The following FTCD variants were observed in gnomAD, a reference collection of about 807,000 sequenced individuals.
FTCD encodes formimidoyltransferase cyclodeaminase.
FTCD carries 76 observed loss-of-function variants against 62.9 expected under a neutral mutation model. The observed-to-expected ratio is 1.21, with a 90% CI of 1.00 to 1.46. The LOEUF (loss-of-function observed/expected upper bound fraction) is 1.46. Ranked by LOEUF, FTCD falls within the 40% of genes most tolerant of loss-of-function variation. FTCD has a pLI of 0.00. For synonymous variants in FTCD, 397 were observed against 336.9 expected (o/e 1.18, Z -1.95); for missense variants, 845 against 751.3 (o/e 1.12, Z -1.46).
At chr21:46,149,025 C>T (rs1315212349) in intron 7 of FTCD, among the ~76,000 whole-genome samples, 2 of 152,146 alleles carry the variant, frequency 1.3e-5, no homozygotes, top group African/African-American at 4.8e-5. Context: ...ACAATGTCTT[C>T]AACCCAACTT....
intron 8 of FTCD, 109 bp from the exon 9 acceptor site, chr21:46,146,056 C>G (rs1023222191): frequency 1.1e-5 from 8 of 752,810 alleles, no homozygotes; most frequent in African/African-American, 5.3e-5. Context: ...GGGGAGGTGA[C>G]CACTCGGCTG....
chr21:46,153,525 C>T (rs1268772860), intron 2 of FTCD, among the ~76,000 whole-genome samples: 1 of 152,212 alleles, frequency 6.6e-6, no homozygotes, highest in Non-Finnish European at 1.5e-5. Flanking sequence ...CTGAGTCCCT[C>T]GCTGTGGCTA....
intron 5 of FTCD, 50 bp from the exon 6 acceptor site, chr21:46,150,575 T>C (rs770885599): frequency 3.1e-6 from 5 of 1,600,746 alleles, no homozygotes; most frequent in Middle Eastern, 3.3e-4. Flanking sequence ...TCATCCTGCC[T>C]GGCCCTGCCA....
chr21:46,140,191 T>G (rs965212209), intron 10 of FTCD, among the ~76,000 whole-genome samples: 1 of 147,412 alleles, frequency 6.8e-6, no homozygotes, highest in African/African-American at 2.6e-5. Flanking sequence ...TCACAGGGAG[T>G]GTACACCAAC....
rs199508525 is a variant in FTCD, at chr21:46,151,571, C to T, written c.623G>A (p.Arg208His). ...GAACGGGGTCACCTGGTCCTTCCCG[C>T]GGCCCTGCTCCCGCAGGTTGAGCGC... is the stretch of plus-strand genomic sequence containing the variant. ...RIALNLREQG[R>H]GKDQPGRLKK... Residue 208 changes from arginine to histidine, a missense_variant, in exon 5 of 14, where the codon CGC (arginine) becomes CAC (histidine). Coordinates refer to ENST00000397746, the MANE Select transcript of FTCD (RefSeq NM_206965.2). 1.8e-4 allele frequency: 286 copies of T among 1,612,478 alleles called. 1 individual carries two copies. The East Asian group carries it at 5.3e-3, about 30-fold the overall frequency.
chr21:46,137,194 A>AGGC, intron 13 of FTCD, 45 bp downstream of exon 13: 1 of 1,575,834 alleles, frequency 6.3e-7, no homozygotes, highest in Non-Finnish European at 8.7e-7. Context: ...CTGTGAATCC[A>AGGC]GGCCCCCACG....
chr21:46,155,579 T>G lies in FTCD; in HGVS notation c.-56A>C. On this transcript the variant is annotated 5_prime_UTR_variant, in exon 1 of 14. Transcript: ENST00000397746. ...TGGGCAGATGGAAGGACAGGGCCAG[T>G]GCTCCGCAGCCGCCGCCAGGGCCTT... 1 of 1,490,780 alleles carries G rather than the reference T, an allele frequency of 6.7e-7. No homozygotes were observed. The allele number at this position is 1,490,780 out of a possible 1,614,324, so 92.3% of individuals were successfully genotyped here. A position where few individuals can be genotyped will look rare whatever the true frequency, so the allele number is the denominator to read the frequency against.
intron 10 of FTCD, among the ~76,000 whole-genome samples, chr21:46,139,721 T>C (rs1158579262): frequency 6.6e-6 from 1 of 152,204 alleles, no homozygotes; most frequent in Non-Finnish European, 1.5e-5. Flanking sequence ...GGAACAGAAA[T>C]GCCCAGTGTC....
At chr21:46,152,873 G>C (rs1367347343) in intron 3 of FTCD, 34 bp downstream of exon 3, 2 of 1,532,906 alleles carry the variant, frequency 1.3e-6, no homozygotes, top group Non-Finnish European at 1.8e-6. Context: ...AATGAGACGG[G>C]AGCAGAGTGA....
At chr21:46,138,674 C>T (rs1173349098) in intron 11 of FTCD, 28 bp from the exon 12 acceptor site, 2 of 1,593,550 alleles carry the variant, frequency 1.3e-6, no homozygotes, top group South Asian at 1.1e-5. Context: ...AGAGCCTGAG[C>T]ACAGCGGCAC....
chr21:46,147,231 C>G lies in FTCD; in HGVS notation c.907-904G>C, dbSNP rs372148187. ...CAAGGATGAATTAGAAACAGCCACC[C>G]GCCAGAGGAAACAGTTGAGGTACTT... is the stretch of plus-strand genomic sequence containing the variant. On this transcript the variant is annotated intron_variant, in intron 7 of 13. Transcript: ENST00000397746. Among the ~76,000 whole-genome samples, 35 of 152,116 alleles carry G rather than the reference C, an allele frequency of 2.3e-4. No homozygotes were observed. The East Asian group carries it at 3.7e-3, about 16-fold the overall frequency.
At chr21:46,152,740 G>T in intron 3 of FTCD, 167 bp downstream of exon 3, 1 of 606,644 alleles carries the variant, frequency 1.6e-6, no homozygotes, top group South Asian at 2.5e-5. Context: ...AGGCGAGGCT[G>T]CGTTTATTTC....
chr21:46,145,727 C>A, intron 9 of FTCD, 91 bp downstream of exon 9: 1 of 576,172 alleles, frequency 1.7e-6, no homozygotes, highest in Non-Finnish European at 3.0e-6. Flanking sequence ...CGCGCCCTCC[C>A]CACCCCGTGC....
intron 9 of FTCD, 31 bp from the exon 10 acceptor site, chr21:46,145,609 G>A (rs1286022610): frequency 6.6e-6 from 10 of 1,516,278 alleles, no homozygotes; most frequent in African/African-American, 1.4e-5. Flanking sequence ...GGGGTCGCAG[G>A]GACCCCAGAC....
chr21:46,154,187 C>T lies in FTCD; in HGVS notation c.200G>A (p.Arg67Gln), dbSNP rs765154985. 8 of 1,612,740 alleles carry T rather than the reference C, an allele frequency of 5.0e-6. No individual in the cohort carries two copies. Among genetic ancestry groups the T allele is most frequent in the East Asian group, 2.2e-5 (1 of 44,878 alleles). The part of the protein sequence containing the change: ...CVVEGALNAA[R>Q]VASRLIDMSR... ...CATGTCGATAAGTCGGGAAGCTACC[C>T]GGGCAGCGTTGAGGGCCCCCTCCAC... Residue 67 changes from arginine (R) to glutamine (Q), a missense_variant, in exon 2 of 14, where the codon CGG becomes CAG. Coordinates refer to ENST00000397746, the MANE Select transcript of FTCD (RefSeq NM_206965.2).
chr21:46,148,248 G>A (rs547246662), intron 7 of FTCD, among the ~76,000 whole-genome samples: 40 of 152,202 alleles, frequency 2.6e-4, no homozygotes, highest in Non-Finnish European at 4.7e-4. Flanking sequence ...ACGGGTCCAC[G>A]TCGGCACCCT....
chr21:46,138,410 G>C, intron 12 of FTCD, 98 bp downstream of exon 12: 1 of 1,228,572 alleles, frequency 8.1e-7, no homozygotes, highest in East Asian at 2.5e-5. Context: ...TCCCTACCTG[G>C]CTCAGCCCAG....
At chr21:46,143,042 T>A (rs1307821024) in intron 10 of FTCD, among the ~76,000 whole-genome samples, 1 of 152,026 alleles carries the variant, frequency 6.6e-6, no homozygotes, top group Non-Finnish European at 1.5e-5. Flanking sequence ...CAGCTTCACC[T>A]CTCCACAGGA....
chr21:46,139,131 G>C, intron 10 of FTCD: 1 of 612,290 alleles, frequency 1.6e-6, no homozygotes, highest in East Asian at 2.8e-5. Flanking sequence ...GCACACAGCA[G>C]ATGGTCAGAG....
Sources: allele counts gnomAD v4.1 joint callset (sites outside exome capture counted in the v4.1 genomes callset), GRCh38; gene constraint gnomAD v4.1.1; transcripts MANE v1.5; gene names NCBI Gene and HGNC (gene_info 2026-07-23, HGNC 2026-07-21).